DRGX: variants seen among roughly 807,000 people sequenced by gnomAD.
DRGX encodes dorsal root ganglia homeobox.
Under a neutral mutation model 28.6 loss-of-function variants are expected in DRGX, and 21 were observed. The observed-to-expected ratio is 0.73, with a 90% CI of 0.52 to 1.06. The LOEUF is 1.06. Ranked by LOEUF, DRGX falls within the 50% of genes least tolerant of loss-of-function variation. The pLI, the probability that DRGX is intolerant of heterozygous loss-of-function variation, is 0.00. For missense variants in DRGX, 354 were observed against 343.9 expected (o/e 1.03, Z -0.23); for synonymous variants, 136 against 139.1 (o/e 0.98, Z 0.16).
intron 6 of DRGX, among the ~76,000 whole-genome samples, chr10:49,379,726 C>G (rs1310200735): frequency 6.6e-6 from 1 of 152,230 alleles, no homozygotes; most frequent in Non-Finnish European, 1.5e-5. Flanking sequence ...ACATCCTTCC[C>G]CTCATCTTCA....
At position 49,386,669 on chromosome 10, in the gene DRGX, CA is replaced by C. The variant is rs1564708745; in HGVS notation, c.413+10del. On this transcript the variant is annotated intron_variant, in intron 5 of 6. Transcript: ENST00000374139. ...CCATGGCCCACCGGGCCCAGAGACCCACAGCCTCACCTCTGCTGGGCCTCCA... is the reference window on the plus strand; with the variant it reads ...CCATGGCCCACCGGGCCCAGAGACCCCAGCCTCACCTCTGCTGGGCCTCCA... The C allele has an allele frequency of 6.4e-7, 1 of 1,573,590 alleles. No individual in the cohort carries two copies. Among genetic ancestry groups the C allele is most frequent in the African/African-American group, 1.4e-5 (1 of 73,776 alleles).
At chr10:49,371,588 T>C (rs1849659868) in intron 6 of DRGX, among the ~76,000 whole-genome samples, 1 of 151,832 alleles carries the variant, frequency 6.6e-6, no homozygotes, top group Non-Finnish European at 1.5e-5. Context: ...GGTCAGGAGT[T>C]CAAGACCAGC....
At chr10:49,378,133 T>A (rs1048914851) in intron 6 of DRGX, among the ~76,000 whole-genome samples, 1 of 152,142 alleles carries the variant, frequency 6.6e-6, no homozygotes. Flanking sequence ...AGCTCAACAG[T>A]TACAGAAGAA....
intron 6 of DRGX, among the ~76,000 whole-genome samples, chr10:49,381,073 G>T (rs550234749): frequency 6.6e-6 from 1 of 152,356 alleles, no homozygotes; most frequent in African/African-American, 2.4e-5. Flanking sequence ...CAGAATAGAA[G>T]AACTACGGTT....
intron 2 of DRGX, among the ~76,000 whole-genome samples, chr10:49,392,806 A>G (rs1021213007): frequency 1.3e-5 from 2 of 152,258 alleles, no homozygotes; most frequent in Admixed American, 1.3e-4. Flanking sequence ...AAAAATAAGT[A>G]GAATAGTCGA....
At chr10:49,388,075 C>CA (rs1231597698) in intron 4 of DRGX, among the ~76,000 whole-genome samples, 1 of 152,136 alleles carries the variant, frequency 6.6e-6, no homozygotes, top group East Asian at 1.9e-4. Context: ...CCTCAGGTTA[C>CA]AAAAAAGCTG....
intron 2 of DRGX, chr10:49,391,735 G>A (rs1441858354): frequency 1.7e-5 from 8 of 470,864 alleles, no homozygotes; most frequent in Middle Eastern, 6.5e-4. Flanking sequence ...GTTAGGAGAG[G>A]CTGGGGGAGG....
intron 6 of DRGX, among the ~76,000 whole-genome samples, chr10:49,378,485 A>G (rs1009721760): frequency 3.9e-5 from 6 of 152,244 alleles, no homozygotes; most frequent in African/African-American, 1.4e-4. Context: ...AATTTATTGT[A>G]GTGATGGTGA....
rs1287166939 is a variant in DRGX at position 49,395,600 on chromosome 10, C to A, written c.-81-79G>T. The A allele has an allele frequency of 1.2e-5, 10 of 833,378 alleles. No homozygotes were observed. In the South Asian group the frequency reaches 1.6e-4, roughly 14 times the overall value. 51.6% of individuals were successfully genotyped at this position (833,378 alleles called of 1,614,324 possible). On this transcript the variant is annotated intron_variant, in intron 1 of 6. Transcript: ENST00000374139. ...CCAGCCCTAGGGCGCACCCGGCGCTCCCCTCCTGGAAAGTCCCTCCCAACG... is the reference window on the plus strand; with the variant it reads ...CCAGCCCTAGGGCGCACCCGGCGCTACCCTCCTGGAAAGTCCCTCCCAACG...
intron 2 of DRGX, among the ~76,000 whole-genome samples, chr10:49,394,481 G>C (rs563518605): frequency 2.4e-4 from 37 of 152,280 alleles, no homozygotes; most frequent in African/African-American, 8.7e-4. Flanking sequence ...CCAGTCCGAC[G>C]GTTACAAAAG....
At position 49,366,503 on chromosome 10, in the gene DRGX, T is replaced by C. The variant is rs572199315; in HGVS notation, c.527-122A>G. On this transcript the variant is annotated intron_variant, in intron 6 of 6. Transcript: ENST00000374139. ...ATTGATTCCCTCTGGTGCCAGATAC[T>C]AAAGGGAGAAGGACAAGTGCTCAGA... 1,895 of 1,377,556 alleles carry C rather than the reference T, an allele frequency of 1.4e-3. 6 individuals carry two copies. The highest frequency in any genetic ancestry group is 2.6e-3 in the Middle Eastern group (12 of 4,686). The allele number at this position is 1,377,556 out of a possible 1,614,324, so 85.3% of individuals were successfully genotyped here.
chr10:49,381,011 G>T (rs1260708069), intron 6 of DRGX, among the ~76,000 whole-genome samples: 1 of 152,226 alleles, frequency 6.6e-6, no homozygotes, highest in East Asian at 1.9e-4. Context: ...CTGCAGATGA[G>T]TGAGCAGAAG....
At position 49,366,170 on chromosome 10, in the gene DRGX, G is replaced by A; in HGVS notation, c.738C>T (p.Ser246=). The change falls in exon 7 of 7, where the codon AGC becomes AGT. Residue 246 remains serine (S), a synonymous_variant. Transcript: ENST00000374139. ...PVAKPAPPDG[S]QEKTSPTKEQ... ...CCTTGGTGGGAGAGGTCTTTTCCTG[G>A]CTGCCATCTGGGGGCGCCGGCTTGG... is the stretch of plus-strand genomic sequence containing the variant. 6.2e-7 allele frequency: 1 copy of A among 1,612,108 alleles called. No homozygotes were observed. The highest frequency in any genetic ancestry group is 8.5e-7 in the Non-Finnish European group (1 of 1,178,838).
chr10:49,391,328 A>T (rs1432119264), intron 2 of DRGX, 67 bp from the exon 3 acceptor site: 1 of 1,337,688 alleles, frequency 7.5e-7, no homozygotes, highest in South Asian at 1.2e-5. Context: ...CCCCAGACAC[A>T]GTTCAGAGGG....
intron 6 of DRGX, among the ~76,000 whole-genome samples, chr10:49,380,921 T>C (rs1849767610): frequency 6.6e-6 from 1 of 152,220 alleles, no homozygotes; most frequent in African/African-American, 2.4e-5. Context: ...CCCACTGTCC[T>C]GAGGGCCTCA....
chr10:49,395,254 G>GT (rs987307647), intron 2 of DRGX, among the ~76,000 whole-genome samples, 153 bp downstream of exon 2: 1 of 152,102 alleles, frequency 6.6e-6, no homozygotes, highest in Admixed American at 6.5e-5. Context: ...GGAGTGGGGT[G>GT]TAGGGAGGGG....
At chr10:49,367,497 A>T (rs554985901) in intron 6 of DRGX, among the ~76,000 whole-genome samples, 114 of 152,340 alleles carry the variant, frequency 7.5e-4, no homozygotes, top group African/African-American at 2.6e-3. Context: ...GCTTGGACCT[A>T]ACCATTGAAT....
intron 6 of DRGX, among the ~76,000 whole-genome samples, chr10:49,375,928 C>T (rs1327378699): frequency 2.0e-5 from 3 of 152,176 alleles, no homozygotes; most frequent in African/African-American, 7.2e-5. Flanking sequence ...TTCTGCTCAG[C>T]TCTGTGCACT....
At chr10:49,389,248 A>C (rs1590370404) in intron 4 of DRGX, among the ~76,000 whole-genome samples, 2 of 152,190 alleles carry the variant, frequency 1.3e-5, no homozygotes, top group African/African-American at 4.8e-5. Context: ...TACTGCTCAG[A>C]ATTCCATTAT....
Sources: gnomAD v4.1 joint callset for allele counts (sites outside exome capture counted in the v4.1 genomes callset) on GRCh38, gnomAD v4.1.1 for gene constraint, MANE v1.5 for transcripts, NCBI Gene and HGNC (gene_info 2026-07-23, HGNC 2026-07-21) for gene names.